Variants in ETV1 observed in about 807,000 individuals in gnomAD.
ETV1 encodes ETS translocation variant 1.
ETV1 carries 27 observed loss-of-function variants against 62.3 expected under a neutral mutation model. The observed-to-expected ratio is 0.43, with a 90% CI of 0.32 to 0.60. ETV1 has a LOEUF of 0.60. ETV1 is among the 20% of genes least tolerant of loss of function. The pLI, the probability that ETV1 is intolerant of heterozygous loss-of-function variation, is 0.06. For missense variants in ETV1, 605 were observed against 605.8 expected, an observed-to-expected ratio of 1.00 and a Z score of 0.01; for synonymous variants, 222 against 199.6, an observed-to-expected ratio of 1.11 and a Z score of -0.94.
At position 13,895,741 on chromosome 7, in the gene ETV1, T is replaced by C. The variant is rs891423651; in HGVS notation, c.*125A>G. On this transcript the variant is annotated 3_prime_UTR_variant, in exon 14 of 14. Coordinates refer to ENST00000430479, the MANE Select transcript of ETV1 (RefSeq NM_004956.5). Reference sequence around the variant, plus strand: ...AGAATAATGCAACAGGAAAAGCCCCTTTTTGTGTATTATTATTTAAAAATA... The same window carrying C: ...AGAATAATGCAACAGGAAAAGCCCCCTTTTGTGTATTATTATTTAAAAATA... 6.9e-6 allele frequency: 5 copies of C among 725,452 alleles called. No individual in the cohort carries two copies. Among genetic ancestry groups the C allele is most frequent in the Non-Finnish European group, 1.1e-5 (5 of 435,404 alleles). 44.9% of individuals were successfully genotyped at this position (725,452 alleles called of 1,614,324 possible). A position where few individuals can be genotyped will look rare whatever the true frequency, so the allele number is the denominator to read the frequency against.
At chr7:13,922,826 A>C (rs1329802161) in intron 9 of ETV1, among the ~76,000 whole-genome samples, 1 of 152,120 alleles carries the variant, frequency 6.6e-6, no homozygotes, top group East Asian at 1.9e-4. Flanking sequence ...TTCCTGGATA[A>C]TATTTTTGGT....
intron 9 of ETV1, among the ~76,000 whole-genome samples, chr7:13,929,791 A>G (rs558125860): frequency 6.6e-6 from 1 of 152,318 alleles, no homozygotes; most frequent in South Asian, 2.1e-4. Flanking sequence ...AAGTTGAGGC[A>G]TGCCTCAACG....
rs1473847936 is a variant in ETV1, at chr7:13,937,204, G to A, written c.366-1308C>T. ...GCAAAAATCTTTTACAAGGAGTAAAGGAATATATGCTGCACAAGGCAGCTC... is the reference window on the plus strand; with the variant it reads ...GCAAAAATCTTTTACAAGGAGTAAAAGAATATATGCTGCACAAGGCAGCTC... On this transcript the variant is annotated intron_variant, in intron 7 of 13. Coordinates refer to ENST00000430479, the MANE Select transcript of ETV1 (RefSeq NM_004956.5). Among the ~76,000 whole-genome samples, 4 of 152,192 alleles carry A rather than the reference G, an allele frequency of 2.6e-5. No homozygotes were observed. The East Asian group carries it at 5.8e-4, about 22-fold the overall frequency.
intron 6 of ETV1, among the ~76,000 whole-genome samples, chr7:13,960,971 T>C (rs1429459544): frequency 1.3e-5 from 2 of 151,940 alleles, no homozygotes; most frequent in Non-Finnish European, 2.9e-5. Flanking sequence ...AATACCTCCT[T>C]TCTACAAATA....
At position 13,892,673 on chromosome 7, in the gene ETV1, T is replaced by C. The variant is rs1312151357; in HGVS notation, c.*3193A>G. ...GAGATGGAGAGATTGTCCTGGATTA[T>C]CTGAGCATCCCCTAAATGTAATCAC... On this transcript the variant is annotated 3_prime_UTR_variant, in exon 14 of 14. Coordinates refer to ENST00000430479, the MANE Select transcript of ETV1 (RefSeq NM_004956.5). 1 of 232,332 alleles carries C rather than the reference T, an allele frequency of 4.3e-6. No homozygotes were observed. The allele number at this position is 232,332 out of a possible 1,614,324, so 14.4% of individuals were successfully genotyped here. A position where few individuals can be genotyped will look rare whatever the true frequency, so the allele number is the denominator to read the frequency against.
chr7:13,982,499 G>T (rs1267712996), intron 5 of ETV1, among the ~76,000 whole-genome samples: 1 of 151,912 alleles, frequency 6.6e-6, no homozygotes, highest in Non-Finnish European at 1.5e-5. Flanking sequence ...CAATTCCAAT[G>T]AATGTTTAGA....
At chr7:13,970,350 C>A (rs1426406501) in intron 6 of ETV1, among the ~76,000 whole-genome samples, 2 of 149,210 alleles carry the variant, frequency 1.3e-5, no homozygotes, top group Non-Finnish European at 3.0e-5. Flanking sequence ...AAAAAGCATA[C>A]CCAAAAGAAA....
intron 3 of ETV1, 140 bp downstream of exon 3, chr7:13,988,868 A>G: frequency 6.4e-7 from 1 of 1,571,308 alleles, no homozygotes; most frequent in Non-Finnish European, 8.7e-7. Flanking sequence ...TTCTAGAAGC[A>G]GAGTCGCCCT....
chr7:13,966,914 A>G (rs1562693506), intron 6 of ETV1, among the ~76,000 whole-genome samples: 3 of 152,178 alleles, frequency 2.0e-5, no homozygotes, highest in Non-Finnish European at 4.4e-5. Context: ...AAAGCCTGTC[A>G]TATAATAGGG....
At chr7:13,941,644 G>T (rs1161598675) in intron 6 of ETV1, among the ~76,000 whole-genome samples, 1 of 152,096 alleles carries the variant, frequency 6.6e-6, no homozygotes, top group Non-Finnish European at 1.5e-5. Context: ...GTCAATGTGG[G>T]GAGATCACTT....
At position 13,891,848 on chromosome 7, in the gene ETV1, T is replaced by C. The variant is rs1025124979; in HGVS notation, c.*4018A>G. ...TCCATACCAAATCGCAAATGGAAAA[T>C]AGCTTACTCACTTCTTATTTTTAAA... is the stretch of plus-strand genomic sequence containing the variant. On this transcript the variant is annotated 3_prime_UTR_variant, in exon 14 of 14. Coordinates refer to ENST00000430479, the MANE Select transcript of ETV1 (RefSeq NM_004956.5). 1 of 231,498 alleles carries C rather than the reference T, an allele frequency of 4.3e-6. No homozygotes were observed. Among genetic ancestry groups the C allele is most frequent in the Admixed American group, 5.6e-5 (1 of 17,730 alleles). 14.3% of individuals were successfully genotyped at this position (231,498 alleles called of 1,614,324 possible).
At chr7:13,936,708 A>C (rs1172700821) in intron 7 of ETV1, among the ~76,000 whole-genome samples, 1 of 152,114 alleles carries the variant, frequency 6.6e-6, no homozygotes, top group African/African-American at 2.4e-5. Context: ...AATTTTCTTA[A>C]ATTTTTTTTA....
intron 6 of ETV1, among the ~76,000 whole-genome samples, chr7:13,948,383 A>G (rs1255482600): frequency 6.6e-6 from 1 of 152,196 alleles, no homozygotes; most frequent in Non-Finnish European, 1.5e-5. Flanking sequence ...CATATTTTTA[A>G]TTCTTCTCTA....
chr7:13,984,601 G>A (rs1782357717), intron 5 of ETV1, among the ~76,000 whole-genome samples: 1 of 151,898 alleles, frequency 6.6e-6, no homozygotes, highest in African/African-American at 2.4e-5. Context: ...AAACTGTTTT[G>A]AAAACGCTTA....
chr7:13,935,470 T>C (rs777795250), intron 8 of ETV1, among the ~76,000 whole-genome samples: 17 of 152,206 alleles, frequency 1.1e-4, no homozygotes, highest in Non-Finnish European at 2.2e-4. Context: ...TGTCAGTAGA[T>C]AGATTAATTT....
chr7:13,954,057 T>C (rs562784702), intron 6 of ETV1, among the ~76,000 whole-genome samples: 7 of 152,172 alleles, frequency 4.6e-5, no homozygotes, highest in Non-Finnish European at 8.8e-5. Flanking sequence ...TGCATTGCCA[T>C]AGAAGACTAC....
chr7:13,930,845 G>A (rs548500972), intron 9 of ETV1, among the ~76,000 whole-genome samples: 11 of 151,750 alleles, frequency 7.2e-5, no homozygotes, highest in African/African-American at 2.4e-4. Flanking sequence ...CTGTCACCCA[G>A]GCTGGAGTGC....
Position 13,895,087 on chromosome 7 carries a change from C to T in ETV1, c.*779G>A, listed in dbSNP as rs181868666. ...CATGTCATTATTTAACTGAAATGGG[C>T]TTCAAAATATTTAAAAGACGGTATG... On this transcript the variant is annotated 3_prime_UTR_variant, in exon 14 of 14. Transcript: ENST00000430479. The T allele has an allele frequency of 8.0e-4, 186 of 233,300 alleles. No individual in the cohort carries two copies. The Middle Eastern group carries it at 8.9e-3, about 11-fold the overall frequency. The allele number at this position is 233,300 out of a possible 1,614,324, so 14.5% of individuals were successfully genotyped here.
chr7:13,936,006 A>G, intron 7 of ETV1, 110 bp from the exon 8 acceptor site: 1 of 849,904 alleles, frequency 1.2e-6, no homozygotes. Context: ...TCAAATGGAA[A>G]TGAAAACTTT....
Sources: gnomAD v4.1 joint callset for allele counts (sites outside exome capture counted in the v4.1 genomes callset) on GRCh38, gnomAD v4.1.1 for gene constraint, MANE v1.5 for transcripts, NCBI Gene and HGNC (gene_info 2026-07-23, HGNC 2026-07-21) for gene names.